The following TUSC3 variants were observed in gnomAD, a reference collection of about 807,000 sequenced individuals.
The protein encoded by TUSC3 is tumor suppressor candidate 3, also known as dolichyl-diphosphooligosaccharide--protein glycosyltransferase subunit TUSC3.
A neutral mutation model predicts 44.8 loss-of-function variants in TUSC3; 45 were observed. The ratio of observed to expected loss-of-function variants is 1.00; its 90% confidence interval spans 0.79 to 1.29. The LOEUF is 1.29. TUSC3 is among the 50% of genes most tolerant of loss of function. The pLI, the probability that TUSC3 is intolerant of heterozygous loss-of-function variation, is 0.00. For synonymous variants in TUSC3, 212 were observed against 152.9 expected (o/e 1.39, Z -2.85); for missense variants, 519 against 437.9 (o/e 1.19, Z -1.65).
At chr8:15,475,042 A>AT (rs1800557259) in intron 1 of TUSC3, among the ~76,000 whole-genome samples, 1 of 152,018 alleles carries the variant, frequency 6.6e-6, no homozygotes, top group Non-Finnish European at 1.5e-5. Context: ...GCCAATTGCT[A>AT]TAATTCAACT....
chr8:15,436,656 GAAC>G (rs1417957218), intron 1 of TUSC3, among the ~76,000 whole-genome samples: 1 of 151,836 alleles, frequency 6.6e-6, no homozygotes, highest in Non-Finnish European at 1.5e-5. Context: ...GTATATAAAA[GAAC>G]AATAAGTAAT....
chr8:15,493,777 C>G (rs1336093588), intron 2 of TUSC3, among the ~76,000 whole-genome samples: 1 of 152,190 alleles, frequency 6.6e-6, no homozygotes, highest in Admixed American at 6.5e-5. Context: ...ATAAAACTTA[C>G]ATTAAGTGTA....
In TUSC3 at chr8:15,662,276, G is replaced by A; in HGVS notation, c.688G>A (p.Gly230Ser). The change falls in exon 5 of 11, where the codon GGT (glycine) becomes AGT (serine). Residue 230 changes from glycine (G) to serine (S), a missense_variant. Transcript: ENST00000503731. Reference protein sequence around the residue: ...NNLEFIYNKTGWAMVSLCIVF... With the variant: ...NNLEFIYNKTSWAMVSLCIVF... ...CTTGGAGTTCATCTATAACAAGACT[G>A]GTTGGGCCATGGTGTCTCTGGTATG... is the stretch of plus-strand genomic sequence containing the variant. 6.2e-7 allele frequency: 1 copy of A among 1,612,858 alleles called. No individual in the cohort carries two copies. Among genetic ancestry groups the A allele is most frequent in the Non-Finnish European group, 8.5e-7 (1 of 1,179,116 alleles).
At chr8:15,737,841 A>C (rs928225329) in intron 7 of TUSC3, among the ~76,000 whole-genome samples, 1 of 152,182 alleles carries the variant, frequency 6.6e-6, no homozygotes, top group Non-Finnish European at 1.5e-5. Flanking sequence ...ATGATCATCT[A>C]GCTTCTTCCT....
chr8:15,437,869 T>C (rs894453601), intron 1 of TUSC3, among the ~76,000 whole-genome samples: 4 of 152,202 alleles, frequency 2.6e-5, no homozygotes, highest in Non-Finnish European at 4.4e-5. Context: ...TCTGCTCGTG[T>C]ATAAAATGAA....
chr8:15,697,801 T>G (rs73528549), intron 6 of TUSC3, among the ~76,000 whole-genome samples: 13,788 of 152,258 alleles, frequency 0.091, 704 homozygotes, highest in East Asian at 0.21. Context: ...TTGTTTTAGA[T>G]TTGTTTTGAT....
intron 8 of TUSC3, among the ~76,000 whole-genome samples, chr8:15,743,890 A>T (rs1363698171): frequency 6.6e-6 from 1 of 152,122 alleles, no homozygotes; most frequent in Non-Finnish European, 1.5e-5. Context: ...CTGAAGCCAT[A>T]GTCTTGGTTG....
intron 2 of TUSC3, among the ~76,000 whole-genome samples, chr8:15,512,376 G>A (rs62502475): frequency 6.6e-6 from 1 of 152,008 alleles, no homozygotes; most frequent in African/African-American, 2.4e-5. Flanking sequence ...CTGCCTTTGG[G>A]CCAGAACTGC....
At chr8:15,515,117 GA>G (rs1801200127) in intron 2 of TUSC3, among the ~76,000 whole-genome samples, 1 of 152,102 alleles carries the variant, frequency 6.6e-6, no homozygotes, top group Non-Finnish European at 1.5e-5. Context: ...TTGATTTTGT[GA>G]AAAGTTTTGA....
At chr8:15,613,183 T>C (rs796424027) in intron 1 of TUSC3, among the ~76,000 whole-genome samples, 69 of 151,330 alleles carry the variant, frequency 4.6e-4, no homozygotes, top group African/African-American at 1.6e-3. Context: ...ATCTGTCTTA[T>C]TTGTGCCAAA....
At chr8:15,689,033 G>T (rs984171975) in intron 6 of TUSC3, 3 of 304,390 alleles carry the variant, frequency 9.9e-6, no homozygotes, top group South Asian at 6.2e-5. Flanking sequence ...ACCACCCAGT[G>T]CAGGGGGATG....
intron 6 of TUSC3, among the ~76,000 whole-genome samples, chr8:15,690,284 T>C (rs960159955): frequency 2.6e-5 from 4 of 152,312 alleles, no homozygotes; most frequent in Middle Eastern, 3.4e-3. Flanking sequence ...TTTCTTCTTA[T>C]GCTGTGGGCC....
At chr8:15,467,862 T>A (rs555096605) in intron 1 of TUSC3, among the ~76,000 whole-genome samples, 1 of 152,276 alleles carries the variant, frequency 6.6e-6, no homozygotes, top group South Asian at 2.1e-4. Context: ...CCACAATACC[T>A]TTCTCTAATA....
chr8:15,500,447 C>T lies in TUSC3; in HGVS notation n.189+16964C>T, dbSNP rs187768815. ...TCACCATTGGGATTTTTTAGTCAAT[C>T]GGAGATCTAACTGCCAATCATAATT... On this transcript the variant is annotated intron_variant and non_coding_transcript_variant, in intron 2 of 5. Transcript: ENST00000503191. 4.4e-3 allele frequency among the ~76,000 whole-genome samples: 663 copies of T among 152,198 alleles called. 2 individuals carry two copies. The highest frequency in any genetic ancestry group is 0.015 in the African/African-American group (628 of 41,522).
chr8:15,641,703 A>G (rs1806379850), intron 2 of TUSC3, among the ~76,000 whole-genome samples: 1 of 152,246 alleles, frequency 6.6e-6, no homozygotes, highest in Admixed American at 6.5e-5. Flanking sequence ...TCTCAAGTTT[A>G]TACATTACAA....
intron 6 of TUSC3, among the ~76,000 whole-genome samples, chr8:15,726,792 G>A (rs575473168): frequency 1.9e-4 from 29 of 152,098 alleles, no homozygotes; most frequent in Non-Finnish European, 3.4e-4. Context: ...GGTGAAAAGC[G>A]TGAAACTTTG....
intron 2 of TUSC3, among the ~76,000 whole-genome samples, chr8:15,521,495 G>C (rs1361442668): frequency 1.3e-5 from 2 of 152,106 alleles, no homozygotes; most frequent in African/African-American, 4.8e-5. Context: ...TCAACTATTG[G>C]AGACTGGCAC....
At chr8:15,769,609 C>T (rs956272051), downstream of TUSC3, among the ~76,000 whole-genome samples, 32 of 152,014 alleles carry the variant, frequency 2.1e-4, no homozygotes, top group African/African-American at 6.5e-4. Flanking sequence ...AGCTTCTGCA[C>T]GGCAAAAGAA....
At chr8:15,428,117 C>A (rs1174442086) in intron 1 of TUSC3, among the ~76,000 whole-genome samples, 1 of 107,646 alleles carries the variant, frequency 9.3e-6, no homozygotes, top group Non-Finnish European at 1.8e-5. Flanking sequence ...TATCCCGCCC[C>A]CCTCCCCCCA....
Sources: gnomAD v4.1 joint callset for allele counts (sites outside exome capture counted in the v4.1 genomes callset) on GRCh38, gnomAD v4.1.1 for gene constraint, MANE v1.5 for transcripts, NCBI Gene and HGNC (gene_info 2026-07-23, HGNC 2026-07-21) for gene names.